The following REV1 variants were observed in gnomAD, a reference collection of about 807,000 sequenced individuals.
REV1 encodes the protein REV1 DNA directed polymerase.
Under a neutral mutation model 137.4 loss-of-function variants are expected in REV1, and 42 were observed. That is an observed-to-expected ratio of 0.31 (90% confidence interval 0.24 to 0.40). The LOEUF (loss-of-function observed/expected upper bound fraction) is 0.40, where lower values mean the gene tolerates loss of function less well. Ranked by LOEUF, REV1 falls within the 10% of genes least tolerant of loss-of-function variation. The pLI is 1.00. For missense variants in REV1, 1,282 were observed against 1,490.1 expected (o/e 0.86, Z 2.30); for synonymous variants, 524 against 519.2 (o/e 1.01, Z -0.12).
At chr2:99,411,207 G>A (rs1677090648) in intron 13 of REV1, among the ~76,000 whole-genome samples, 1 of 151,996 alleles carries the variant, frequency 6.6e-6, no homozygotes, top group South Asian at 2.1e-4. Flanking sequence ...AGAATCGCTT[G>A]AACCCAGGAG....
At chr2:99,406,857 T>TA (rs1676365175) in intron 15 of REV1, 1 of 157,184 alleles carries the variant, frequency 6.4e-6, no homozygotes, top group African/African-American at 2.4e-5. Context: ...GAAACTTCAC[T>TA]ATTTTTATCT....
At position 99,448,751 on chromosome 2, in the gene REV1, T is replaced by C. The variant is rs557339047; in HGVS notation, c.350+585A>G. Among the ~76,000 whole-genome samples, 18 of 152,324 alleles carry C rather than the reference T, an allele frequency of 1.2e-4. 1 individual carries two copies. The highest frequency in any genetic ancestry group is 3.4e-3 in the Middle Eastern group (1 of 294). ...CAAGAACACAGAACACTGCCTAGTC[T>C]TTAAGAGGTGCACACATATTTGTTG... On this transcript the variant is annotated intron_variant, in intron 4 of 22. Coordinates refer to ENST00000258428, the MANE Select transcript of REV1 (RefSeq NM_016316.4).
intron 1 of REV1, among the ~76,000 whole-genome samples, chr2:99,479,779 AAATAATAAT>A (rs60339972): frequency 6.7e-6 from 1 of 149,896 alleles, no homozygotes; most frequent in East Asian, 2.0e-4. Flanking sequence ...AAAAAAGTAA[AAATAATAAT>A]AATAATAATA....
Position 99,439,158 on chromosome 2 carries a change from C to A in REV1, c.656G>T (p.Arg219Ile). Residue 219 changes from arginine to isoleucine, a missense_variant, in exon 6 of 23, where the codon AGA (arginine) becomes ATA (isoleucine). Arg to Ile is a moderately conservative substitution (Grantham distance 97). This residue lies in a region of REV1 where 432 missense variants were observed against 438.0 expected (regional missense o/e 0.99). Coordinates refer to ENST00000258428, the MANE Select transcript of REV1 (RefSeq NM_016316.4). ...GRKQNGIPHP[R>I]GSTAIFNGHT... ...TCCATTAAAAATGGCAGTGCTCCCTCTGGGATGCGGAATTCCATTCTGTTT... is the reference window on the plus strand; with the variant it reads ...TCCATTAAAAATGGCAGTGCTCCCTATGGGATGCGGAATTCCATTCTGTTT... 1 of 1,614,172 alleles carries A rather than the reference C, an allele frequency of 6.2e-7. No individual in the cohort carries two copies. Among genetic ancestry groups the A allele is most frequent in the Non-Finnish European group, 8.5e-7 (1 of 1,180,022 alleles).
At chr2:99,403,370 G>C in intron 19 of REV1, 2 of 555,508 alleles carry the variant, frequency 3.6e-6, no homozygotes, top group East Asian at 3.0e-5. Context: ...TGATGTTTGT[G>C]ATGCATTTTG....
rs775159436 is a variant in REV1 at position 99,439,007 on chromosome 2, A to T, written c.807T>A (p.Thr269=). The T allele has an allele frequency of 1.2e-6, 2 of 1,614,218 alleles. No homozygotes were observed. The highest frequency in any genetic ancestry group is 2.2e-5 in the East Asian group (1 of 44,890). Residue 269 remains threonine (T), a synonymous_variant, in exon 6 of 23, where the codon ACT becomes ACA. Coordinates refer to ENST00000258428, the MANE Select transcript of REV1 (RefSeq NM_016316.4). The stretch of plus-strand genomic sequence containing the variant: ...GCTGCAGAGTGCAGTCTCTGAAATC[A>T]GTGCTGCTCTTCTCAGCCTTATCCT... ...QEEDKAEKSS[T]DFRDCTLQQL...
intron 3 of REV1, among the ~76,000 whole-genome samples, chr2:99,451,159 C>T (rs1682880903): frequency 6.6e-6 from 1 of 152,142 alleles, no homozygotes; most frequent in South Asian, 2.1e-4. Flanking sequence ...CATTACAATG[C>T]ATTAATATGG....
At chr2:99,419,443 C>T (rs983295346) in intron 11 of REV1, among the ~76,000 whole-genome samples, 1 of 151,930 alleles carries the variant, frequency 6.6e-6, no homozygotes, top group Non-Finnish European at 1.5e-5. Context: ...ATCTCCTGAC[C>T]TCATGATCCA....
chr2:99,402,502 T>G, intron 21 of REV1, 142 bp downstream of exon 21: 1 of 915,968 alleles, frequency 1.1e-6, no homozygotes. Context: ...GTCCCAGAAT[T>G]TAAAAGATTT....
chr2:99,408,672 C>T (rs1676680038), intron 14 of REV1, among the ~76,000 whole-genome samples: 1 of 152,190 alleles, frequency 6.6e-6, no homozygotes, highest in Non-Finnish European at 1.5e-5. Flanking sequence ...ACCAAATGGT[C>T]CATCAGCATT....
At chr2:99,402,484 C>T (rs1234628726) in intron 21 of REV1, 138 bp from the exon 22 acceptor site, 11 of 858,318 alleles carry the variant, frequency 1.3e-5, no homozygotes, top group Non-Finnish European at 2.0e-5. Flanking sequence ...TGTTACTTTT[C>T]AAAGCAAGTC....
chr2:99,489,173 G>A (rs977605672), intron 1 of REV1, among the ~76,000 whole-genome samples: 2 of 152,174 alleles, frequency 1.3e-5, no homozygotes, highest in Admixed American at 1.3e-4. Flanking sequence ...GTTGGGGAAC[G>A]GCGCCCAGCG....
chr2:99,410,016 G>A (rs1676918441), intron 14 of REV1, among the ~76,000 whole-genome samples: 1 of 151,964 alleles, frequency 6.6e-6, no homozygotes, highest in Non-Finnish European at 1.5e-5. Flanking sequence ...CTGCCTTTGT[G>A]TATCATTTTT....
At chr2:99,467,154 T>G (rs1684898357) in intron 1 of REV1, among the ~76,000 whole-genome samples, 1 of 152,166 alleles carries the variant, frequency 6.6e-6, no homozygotes, top group Non-Finnish European at 1.5e-5. Context: ...GATCCAGTTG[T>G]GTAACGTCTG....
chr2:99,412,257 C>CAA lies in REV1; in HGVS notation c.2172+472_2172+473dup, dbSNP rs1160440580. Among the ~76,000 whole-genome samples the CAA allele has an allele frequency of 2.9e-3, 154 of 53,018 alleles. 8 individuals are homozygous for CAA. Among genetic ancestry groups the CAA allele is most frequent in the East Asian group, 0.014 (17 of 1,224 alleles). The allele number at this position is 53,018 out of a possible 152,430, so 34.8% of individuals were successfully genotyped here. A position where few individuals can be genotyped will look rare whatever the true frequency, so the allele number is the denominator to read the frequency against. On this transcript the variant is annotated intron_variant, in intron 13 of 22. Coordinates refer to ENST00000258428, the MANE Select transcript of REV1 (RefSeq NM_016316.4). The stretch of plus-strand genomic sequence containing the variant: ...TGGGCAACAAAGTGAGACTCCATCT[C>CAA]AAAAAAAAAAAAAAAAAAAAAAAAA...
At chr2:99,475,820 T>TA (rs1165803704) in intron 1 of REV1, among the ~76,000 whole-genome samples, 3 of 151,666 alleles carry the variant, frequency 2.0e-5, no homozygotes, top group Non-Finnish European at 4.4e-5. Flanking sequence ...CCATCTCTAC[T>TA]AAAAAATACA....
rs368322027 is a variant in REV1, at chr2:99,428,806, G to A, written c.1547+1034C>T. On this transcript the variant is annotated intron_variant, in intron 9 of 22. Transcript: ENST00000258428. ...GTCAGTTAGCCATCCTGGCTAACAC[G>A]GTGAAATCCTGCCTCTACTAAAAAA... is the stretch of plus-strand genomic sequence containing the variant. Among the ~76,000 whole-genome samples the A allele has an allele frequency of 7.2e-5, 11 of 152,030 alleles. 1 individual carries two copies. Among genetic ancestry groups the A allele is most frequent in the South Asian group, 6.3e-4 (3 of 4,800 alleles).
chr2:99,413,047 TTAAAA>T, intron 12 of REV1, 96 bp from the exon 13 acceptor site: 6 of 880,010 alleles, frequency 6.8e-6, no homozygotes, highest in Non-Finnish European at 1.1e-5. Flanking sequence ...AACAACTAGT[TTAAAA>T]TAATCTTTAA....
intron 1 of REV1, among the ~76,000 whole-genome samples, chr2:99,480,125 C>G (rs1000541240): frequency 3.9e-5 from 6 of 152,068 alleles, no homozygotes; most frequent in African/African-American, 1.2e-4. Flanking sequence ...TCGAGATCAG[C>G]CTGGGCAATG....
Sources: allele counts gnomAD v4.1 joint callset (sites outside exome capture counted in the v4.1 genomes callset), GRCh38; gene constraint gnomAD v4.1.1; regional missense constraint gnomAD v4.1.1; transcripts MANE v1.5; gene names NCBI Gene and HGNC (gene_info 2026-07-23, HGNC 2026-07-21).